TRIM2: variants seen among roughly 807,000 people sequenced by gnomAD.
The protein encoded by TRIM2 is tripartite motif-containing protein 2.
In TRIM2, 20 loss-of-function variants were observed where a neutral mutation model predicts 75.2. That is an observed-to-expected ratio of 0.27 (90% CI 0.19 to 0.39). The LOEUF is 0.39. Ranked by LOEUF, TRIM2 falls within the 10% of genes least tolerant of loss-of-function variation. TRIM2 has a pLI of 1.00. For synonymous variants in TRIM2, 373 were observed against 388.3 expected, an observed-to-expected ratio of 0.96 and a Z score of 0.46; for missense variants, 660 against 990.8, an observed-to-expected ratio of 0.67 and a Z score of 4.48.
At chr4:153,327,239 C>A (rs73854657) in intron 10 of TRIM2, among the ~76,000 whole-genome samples, 1 of 152,114 alleles carries the variant, frequency 6.6e-6, no homozygotes, top group Non-Finnish European at 1.5e-5. Context: ...TTGGCAAGTA[C>A]GTAATGAATT....
intron 3 of TRIM2, among the ~76,000 whole-genome samples, chr4:153,284,567 G>T (rs980313369): frequency 1.3e-5 from 2 of 152,126 alleles, no homozygotes; most frequent in Non-Finnish European, 2.9e-5. Context: ...AAAGCATAAG[G>T]GTTCTAATTT....
At chr4:153,301,537 C>G (rs375265473) in intron 6 of TRIM2, among the ~76,000 whole-genome samples, 73 of 152,146 alleles carry the variant, frequency 4.8e-4, no homozygotes, top group African/African-American at 1.5e-3. Flanking sequence ...CCTGTGCTTT[C>G]ACATTCATAT....
intron 6 of TRIM2, among the ~76,000 whole-genome samples, chr4:153,301,673 G>A (rs1763954659): frequency 6.6e-6 from 1 of 152,208 alleles, no homozygotes; most frequent in Non-Finnish European, 1.5e-5. Flanking sequence ...TGTATATGGT[G>A]TGAGATGAAA....
chr4:153,301,306 A>G (rs1763871537), intron 6 of TRIM2, among the ~76,000 whole-genome samples: 1 of 152,160 alleles, frequency 6.6e-6, no homozygotes, highest in Non-Finnish European at 1.5e-5. Flanking sequence ...CTGGAACTAT[A>G]GGTATGCACA....
At chr4:153,284,012 G>T (rs1010205570) in intron 3 of TRIM2, among the ~76,000 whole-genome samples, 1 of 151,042 alleles carries the variant, frequency 6.6e-6, no homozygotes, top group South Asian at 2.1e-4. Flanking sequence ...TGGGATTACA[G>T]GTGCATGTCA....
chr4:153,270,670 T>G (rs1344764240), intron 2 of TRIM2, 151 bp downstream of exon 2: 1 of 674,830 alleles, frequency 1.5e-6, no homozygotes, highest in African/African-American at 1.8e-5. Context: ...AATCATGAGT[T>G]GCAAATAATT....
Position 153,300,526 on chromosome 4 carries a change from C to T in TRIM2, c.1510+4490C>T, listed in dbSNP as rs143669980. Reference sequence around the variant, plus strand: ...TCATTGTGGTTTTAATTTTCATATCCGCGATGATTAGTGATGTTCAACATT... The same window carrying T: ...TCATTGTGGTTTTAATTTTCATATCTGCGATGATTAGTGATGTTCAACATT... On this transcript the variant is annotated intron_variant, in intron 6 of 11. Transcript: ENST00000338700. Among the ~76,000 whole-genome samples the T allele has an allele frequency of 6.6e-3, 1,008 of 152,074 alleles. 11 individuals are homozygous for T. Among genetic ancestry groups the T allele is most frequent in the African/African-American group, 0.023 (952 of 41,480 alleles).
Position 153,294,322 on chromosome 4 carries a change from C to A in TRIM2, c.623C>A (p.Ser208Tyr). 6.2e-7 allele frequency: 1 copy of A among 1,614,100 alleles called. No individual in the cohort carries two copies. The highest frequency in any genetic ancestry group is 8.5e-7 in the Non-Finnish European group (1 of 1,180,006). Residue 208 changes from serine (S) to tyrosine (Y), a missense_variant, in exon 5 of 12, where the codon TCT becomes TAT. Ser to Tyr is a moderately radical substitution (Grantham distance 144). Transcript: ENST00000338700. ...AVNKRLPEID[S>Y]ALQFISEIIH... ...TCCACCAGGCTCCCAGAAATAGATT[C>A]TGCTCTTCAGTTCATCTCTGAAATC... is the stretch of plus-strand genomic sequence containing the variant.
At chr4:153,330,989 TGAGTTCAG>T (rs1771354698) in intron 11 of TRIM2, among the ~76,000 whole-genome samples, 2 of 152,086 alleles carry the variant, frequency 1.3e-5, no homozygotes, top group African/African-American at 2.4e-5. Flanking sequence ...CTAGAATAGG[TGAGTTCAG>T]CAAGATTGCA....
intron 1 of TRIM2, among the ~76,000 whole-genome samples, chr4:153,212,663 A>AAAAGAAAAAG (rs1055885493): frequency 6.6e-6 from 1 of 152,208 alleles, no homozygotes; most frequent in African/African-American, 2.4e-5. Flanking sequence ...CTCTAGGAAA[A>AAAAGAAAAAG]AAAGAAAAAG....
At chr4:153,242,436 C>A (rs1746889272) in intron 1 of TRIM2, among the ~76,000 whole-genome samples, 1 of 151,872 alleles carries the variant, frequency 6.6e-6, no homozygotes, top group Non-Finnish European at 1.5e-5. Flanking sequence ...GGATTTTTAA[C>A]CTTTTAGTAC....
chr4:153,246,337 A>C (rs1026317455), intron 1 of TRIM2, among the ~76,000 whole-genome samples: 3 of 152,198 alleles, frequency 2.0e-5, no homozygotes, highest in African/African-American at 7.2e-5. Context: ...GGGCAGTATC[A>C]GAGCTGGGAT....
intron 1 of TRIM2, among the ~76,000 whole-genome samples, chr4:153,211,005 G>A (rs947229901): frequency 6.6e-6 from 1 of 152,108 alleles, no homozygotes; most frequent in Non-Finnish European, 1.5e-5. Context: ...GAGGAGACAG[G>A]GGATGGGGCA....
intron 1 of TRIM2, among the ~76,000 whole-genome samples, chr4:153,258,516 CCTT>C (rs1752634488): frequency 1.3e-5 from 2 of 152,078 alleles, no homozygotes; most frequent in African/African-American, 2.4e-5. Context: ...TGACATTATT[CCTT>C]CTTTTGGGGG....
intron 1 of TRIM2, among the ~76,000 whole-genome samples, chr4:153,252,292 A>ATTAC (rs1375519149): frequency 6.6e-6 from 1 of 152,110 alleles, no homozygotes; most frequent in African/African-American, 2.4e-5. Flanking sequence ...GAGTTGCCTG[A>ATTAC]TTACTGTTCC....
At chr4:153,157,590 T>C (rs1431324472) in intron 1 of TRIM2, among the ~76,000 whole-genome samples, 4 of 152,186 alleles carry the variant, frequency 2.6e-5, no homozygotes, top group Non-Finnish European at 5.9e-5. Context: ...TGCTCTACCC[T>C]GGCATAATCT....
chr4:153,301,499 T>C (rs1376218452), intron 6 of TRIM2, among the ~76,000 whole-genome samples: 1 of 152,232 alleles, frequency 6.6e-6, no homozygotes, highest in African/African-American at 2.4e-5. Flanking sequence ...TTTGATGTAA[T>C]TCCATGTATC....
chr4:153,302,891 T>G (rs1332188692), intron 6 of TRIM2, among the ~76,000 whole-genome samples: 2 of 152,184 alleles, frequency 1.3e-5, no homozygotes, highest in Admixed American at 6.5e-5. Flanking sequence ...TCCCAAAAAA[T>G]ACACAGAAGA....
intron 6 of TRIM2, 53 bp from the exon 7 acceptor site, chr4:153,315,432 G>C: frequency 1.4e-6 from 2 of 1,391,468 alleles, no homozygotes; most frequent in Non-Finnish European, 2.0e-6. Flanking sequence ...TGCTGAAACA[G>C]AGAAATCTAA....
Sources: allele counts gnomAD v4.1 joint callset (sites outside exome capture counted in the v4.1 genomes callset), GRCh38; gene constraint gnomAD v4.1.1; transcripts MANE v1.5; gene names NCBI Gene and HGNC (gene_info 2026-07-23, HGNC 2026-07-21).